Variants in SLC2A9 observed in about 807,000 individuals in gnomAD.
SLC2A9 encodes solute carrier family 2, facilitated glucose transporter member 9.
Under a neutral mutation model 50.6 loss-of-function variants are expected in SLC2A9, and 39 were observed. That is an observed-to-expected ratio of 0.77 (90% confidence interval 0.60 to 1.01). The LOEUF is 1.01. Among genes scored for constraint, SLC2A9 ranks in the 50% least tolerant of loss-of-function variants. The probability of loss-of-function intolerance (pLI) is 0.00; values close to 1 mark genes in which losing one functional copy is unlikely to be tolerated. For missense variants in SLC2A9, 686 were observed against 677.6 expected (o/e 1.01, Z -0.14); for synonymous variants, 324 against 276.9 (o/e 1.17, Z -1.69).
At chr4:9,782,024 CCCGAAATGCTGCCGCCAGGCA>C in intron 3 of SLC2A9, 1 of 1,458,024 alleles carries the variant, frequency 6.9e-7, no homozygotes, top group Non-Finnish European at 9.0e-7. Context: ...TGCAGTCCAG[CCCGAAATGCTGCCGCCAGGCA>C]GCAACGGCAC....
intron 10 of SLC2A9, among the ~76,000 whole-genome samples, chr4:9,882,279 C>T (rs1735344361): frequency 6.6e-6 from 1 of 152,036 alleles, no homozygotes; most frequent in Non-Finnish European, 1.5e-5. Flanking sequence ...CTGTGTAGGC[C>T]ATTTCTCCTT....
At chr4:9,870,077 G>A (rs1733164087) in intron 10 of SLC2A9, among the ~76,000 whole-genome samples, 1 of 152,340 alleles carries the variant, frequency 6.6e-6, no homozygotes, top group South Asian at 2.1e-4. Flanking sequence ...ACAAGCCAAG[G>A]AGCACTGGCA....
At chr4:9,823,520 T>C (rs1381742443), downstream of SLC2A9, among the ~76,000 whole-genome samples, 1 of 152,110 alleles carries the variant, frequency 6.6e-6, no homozygotes, top group African/African-American at 2.4e-5. Flanking sequence ...ATTATCAACT[T>C]AGGTAACAGA....
intron 6 of SLC2A9, among the ~76,000 whole-genome samples, chr4:9,931,944 CTCTCTCTCTCTCTCTCTCTATA>C (rs1254900853): frequency 7.6e-5 from 4 of 52,726 alleles, no homozygotes; most frequent in East Asian, 8.6e-4. Flanking sequence ...CTCTCTCTCT[CTCTCTCTCTCTCTCTCTCTATA>C]TATATATATA....
intron 1 of SLC2A9, among the ~76,000 whole-genome samples, chr4:10,020,837 T>C (rs1002732565): frequency 2.0e-5 from 3 of 152,120 alleles, no homozygotes; most frequent in African/African-American, 7.2e-5. Context: ...GTGGGGGCCA[T>C]CTTCTCCTGC....
At chr4:10,004,998 G>A (rs1010562776) in intron 2 of SLC2A9, among the ~76,000 whole-genome samples, 5 of 152,116 alleles carry the variant, frequency 3.3e-5, no homozygotes, top group Non-Finnish European at 5.9e-5. Flanking sequence ...CAACAGCCAC[G>A]AGGCACATTC....
intron 6 of SLC2A9, among the ~76,000 whole-genome samples, chr4:9,923,405 A>G (rs1386096656): frequency 1.3e-5 from 2 of 152,128 alleles, no homozygotes; most frequent in African/African-American, 4.8e-5. Context: ...TTGTTTGGGA[A>G]GGTATAACTG....
At chr4:9,776,149 C>T (rs76718087), downstream of SLC2A9, among the ~76,000 whole-genome samples, 806 of 151,756 alleles carry the variant, frequency 5.3e-3, 6 homozygotes, top group African/African-American at 0.018. Flanking sequence ...AGACTGATGC[C>T]CAAGTCAGAG....
intron 3 of SLC2A9, among the ~76,000 whole-genome samples, chr4:9,820,957 G>T (rs1325016561): frequency 1.3e-5 from 2 of 152,138 alleles, no homozygotes; most frequent in Non-Finnish European, 2.9e-5. Context: ...TGAACTTCCA[G>T]TATGATAGTG....
At chr4:10,018,358 A>G (rs1349669450) in intron 2 of SLC2A9, among the ~76,000 whole-genome samples, 1 of 152,192 alleles carries the variant, frequency 6.6e-6, no homozygotes, top group Admixed American at 6.5e-5. Context: ...CAGCCTAGCC[A>G]ATATGGCGGA....
chr4:9,790,709 G>T (rs1380754949), intron 3 of SLC2A9, among the ~76,000 whole-genome samples: 2 of 152,130 alleles, frequency 1.3e-5, no homozygotes, highest in East Asian at 1.9e-4. Flanking sequence ...ATTGATGTCT[G>T]GGGCCGACTC....
intron 1 of SLC2A9, among the ~76,000 whole-genome samples, chr4:10,033,026 C>G (rs1763985971): frequency 6.6e-6 from 1 of 152,156 alleles, no homozygotes; most frequent in East Asian, 1.9e-4. Flanking sequence ...CTTAGTCCTC[C>G]CCAAAACCCC....
At chr4:9,900,668 GGGT>G (rs1739432480) in intron 8 of SLC2A9, among the ~76,000 whole-genome samples, 1 of 152,108 alleles carries the variant, frequency 6.6e-6, no homozygotes, top group Non-Finnish European at 1.5e-5. Flanking sequence ...GCCGAAGACT[GGGT>G]AGTTTACAAA....
At chr4:9,922,318 G>T (rs867494181) in intron 6 of SLC2A9, among the ~76,000 whole-genome samples, 6 of 152,008 alleles carry the variant, frequency 3.9e-5, no homozygotes, top group Non-Finnish European at 8.8e-5. Context: ...GAGCCCATTG[G>T]GGGGTGGGGT....
intron 10 of SLC2A9, among the ~76,000 whole-genome samples, chr4:9,855,544 A>G (rs1397997968): frequency 6.6e-6 from 1 of 152,214 alleles, no homozygotes; most frequent in Non-Finnish European, 1.5e-5. Context: ...TAGTGCCCAA[A>G]GCAATTTACA....
chr4:9,978,889 T>C (rs756329840), intron 5 of SLC2A9, among the ~76,000 whole-genome samples: 1 of 152,248 alleles, frequency 6.6e-6, no homozygotes, highest in Non-Finnish European at 1.5e-5. Flanking sequence ...AAACTTTATG[T>C]GGATTTTACC....
Position 9,968,704 on chromosome 4 carries a change from C to T in SLC2A9, c.681+11888G>A, listed in dbSNP as rs536182393. On this transcript the variant is annotated intron_variant, in intron 5 of 11. Transcript: ENST00000264784. ...TGAATACATACAAGTACTTTTTCAT[C>T]AGGTTGTCTAAACAGGCTTCCCATG... is the stretch of plus-strand genomic sequence containing the variant. 6.8e-4 allele frequency among the ~76,000 whole-genome samples: 104 copies of T among 152,268 alleles called. 1 individual carries two copies. In the South Asian group the frequency reaches 0.021, roughly 30 times the overall value.
rs79113604 is a variant in SLC2A9 at position 9,998,788 on chromosome 4, T to A, written c.250-1847A>T. Among the ~76,000 whole-genome samples, 1,208 of 152,154 alleles carry A rather than the reference T, an allele frequency of 7.9e-3. 39 individuals are homozygous for A. The highest frequency in any genetic ancestry group is 0.074 in the East Asian group (380 of 5,160). The stretch of plus-strand genomic sequence containing the variant: ...TAGCAGGAATAAACAAATTGCAGAA[T>A]CATCATCATATGAAACATCACAGCC... On this transcript the variant is annotated intron_variant, in intron 2 of 11. Coordinates refer to ENST00000264784, the MANE Select transcript of SLC2A9 (RefSeq NM_020041.3).
chr4:9,783,014 C>T (rs1391431729), intron 3 of SLC2A9: 1 of 1,614,208 alleles, frequency 6.2e-7, no homozygotes, highest in Admixed American at 1.7e-5. Flanking sequence ...CCCCGAAGGC[C>T]CTCCGGCCGG....
Sources: allele counts gnomAD v4.1 joint callset (sites outside exome capture counted in the v4.1 genomes callset), GRCh38; gene constraint gnomAD v4.1.1; transcripts MANE v1.5; gene names NCBI Gene and HGNC (gene_info 2026-07-23, HGNC 2026-07-21).